The following ANO6 variants were observed in gnomAD, a reference collection of about 807,000 sequenced individuals.
ANO6 encodes the protein anoctamin 6.
In ANO6, 106 loss-of-function variants were observed where a neutral mutation model predicts 117.5. The observed-to-expected ratio is 0.90, with a 90% CI of 0.77 to 1.06. The LOEUF is 1.06. Ranked by LOEUF, ANO6 falls within the 50% of genes least tolerant of loss-of-function variation. The pLI, the probability that ANO6 is intolerant of heterozygous loss-of-function variation, is 0.00. For missense variants in ANO6, 955 were observed against 1,121.1 expected, an observed-to-expected ratio of 0.85 and a Z score of 2.12; for synonymous variants, 367 against 385.1, an observed-to-expected ratio of 0.95 and a Z score of 0.55.
intron 1 of ANO6, among the ~76,000 whole-genome samples, chr12:45,256,206 C>T (rs946224040): frequency 5.3e-5 from 8 of 152,120 alleles, no homozygotes; most frequent in African/African-American, 1.9e-4. Context: ...GTATACACAA[C>T]ACATGGGTAG....
At chr12:45,284,148 T>C (rs2137261417) in intron 1 of ANO6, among the ~76,000 whole-genome samples, 1 of 152,200 alleles carries the variant, frequency 6.6e-6, no homozygotes, top group South Asian at 2.1e-4. Flanking sequence ...GAAACACAAT[T>C]GGAAAAAAGG....
chr12:45,399,929 A>T (rs769910050), intron 12 of ANO6, among the ~76,000 whole-genome samples: 1 of 152,238 alleles, frequency 6.6e-6, no homozygotes, highest in Admixed American at 6.5e-5. Flanking sequence ...TCCTGCCCCT[A>T]TGAAGAAATA....
chr12:45,436,888 C>T (rs953650960), downstream of ANO6, among the ~76,000 whole-genome samples: 1 of 152,088 alleles, frequency 6.6e-6, no homozygotes, highest in African/African-American at 2.4e-5. Flanking sequence ...ATTGTTTGAA[C>T]CTGGGAGGCA....
intron 2 of ANO6, among the ~76,000 whole-genome samples, chr12:45,309,207 G>T (rs1479949208): frequency 6.6e-6 from 1 of 151,974 alleles, no homozygotes; most frequent in Non-Finnish European, 1.5e-5. Flanking sequence ...AGAATGCATT[G>T]GTCATGTCAT....
chr12:45,365,064 G>A (rs1200016577), intron 8 of ANO6, among the ~76,000 whole-genome samples: 1 of 152,184 alleles, frequency 6.6e-6, no homozygotes, highest in Non-Finnish European at 1.5e-5. Flanking sequence ...GCTAATGATT[G>A]GATTAGCTGG....
chr12:45,327,140 A>G (rs1287771046), intron 2 of ANO6, among the ~76,000 whole-genome samples: 3 of 152,204 alleles, frequency 2.0e-5, no homozygotes, highest in Non-Finnish European at 4.4e-5. Context: ...GATTGTTCAA[A>G]TAAGTGAAAG....
intron 1 of ANO6, among the ~76,000 whole-genome samples, chr12:45,238,052 A>G (rs1947674809): frequency 6.6e-6 from 1 of 151,346 alleles, no homozygotes; most frequent in African/African-American, 2.4e-5. Flanking sequence ...AATGCTTGTG[A>G]TTTTTGCACA....
At chr12:45,395,532 C>A (rs147350930) in intron 12 of ANO6, among the ~76,000 whole-genome samples, 10,397 of 152,086 alleles carry the variant, frequency 0.068, 556 homozygotes, top group East Asian at 0.32. Flanking sequence ...GGCAGAGACA[C>A]AACAAAAAAA....
chr12:45,259,066 T>G (rs531409501), intron 1 of ANO6, among the ~76,000 whole-genome samples: 1 of 152,308 alleles, frequency 6.6e-6, no homozygotes, highest in South Asian at 2.1e-4. Context: ...TAAGAGGTGA[T>G]GCTTGAACTG....
At chr12:45,347,155 T>G in intron 4 of ANO6, 68 bp downstream of exon 4, 1 of 1,469,508 alleles carries the variant, frequency 6.8e-7, no homozygotes, top group East Asian at 2.3e-5. Flanking sequence ...CCACTTGGAA[T>G]ACTTGGGTGA....
Position 45,421,115 on chromosome 12 carries a change from G to GTAC in ANO6, c.2267_2269dup (p.Tyr756dup), listed in dbSNP as rs749556889. On this transcript the variant is annotated inframe_insertion, in exon 18 of 20. Coordinates refer to ENST00000320560, the MANE Select transcript of ANO6 (RefSeq NM_001025356.3). ...CGTCGGACATGATCCCCCGCCTAGT[G>GTAC]TACTACTGGTCCTTCTCCGTCCCTC... is the stretch of plus-strand genomic sequence containing the variant. The GTAC allele has an allele frequency of 1.2e-6, 2 of 1,614,226 alleles. No individual in the cohort carries two copies. The highest frequency in any genetic ancestry group is 1.1e-5 in the South Asian group (1 of 91,086).
intron 1 of ANO6, among the ~76,000 whole-genome samples, chr12:45,267,276 G>A (rs1314743508): frequency 6.6e-6 from 1 of 152,096 alleles, no homozygotes. Flanking sequence ...TCTTTCCTCT[G>A]TGGGCATGCA....
Position 45,350,703 on chromosome 12 carries a change from A to C in ANO6, c.792A>C (p.Glu264Asp), listed in dbSNP as rs1327098221. 1.2e-6 allele frequency: 2 copies of C among 1,613,790 alleles called. No individual in the cohort carries two copies. The highest frequency in any genetic ancestry group is 1.7e-6 in the Non-Finnish European group (2 of 1,179,788). ...CAGAGGATCCCAGCTGCCCTAATGAACGGTACCTTCTGTACAGAGAATGGG... is the reference window on the plus strand; with the variant it reads ...CAGAGGATCCCAGCTGCCCTAATGACCGGTACCTTCTGTACAGAGAATGGG... ...RQSEDPSCPN[E>D]RYLLYREWAH... is the part of the protein sequence containing the mutation. Residue 264 changes from glutamate to aspartate, a missense_variant, in exon 7 of 20, where the codon GAA (glutamate) becomes GAC (aspartate). Physicochemically the swap from Glu to Asp is conservative, Grantham distance 45. Transcript: ENST00000320560.
At chr12:45,228,048 G>T (rs998386261) in intron 1 of ANO6, 4 of 228,434 alleles carry the variant, frequency 1.8e-5, no homozygotes, top group African/African-American at 9.5e-5. Flanking sequence ...CCCAATAAAT[G>T]GCTCATGAAT....
intron 1 of ANO6, among the ~76,000 whole-genome samples, chr12:45,292,227 G>A (rs1363398326): frequency 1.3e-5 from 2 of 152,078 alleles, no homozygotes; most frequent in East Asian, 1.9e-4. Context: ...GACAAATATT[G>A]TATAACTCTA....
chr12:45,324,192 CAA>C, intron 2 of ANO6, among the ~76,000 whole-genome samples: 1 of 152,248 alleles, frequency 6.6e-6, no homozygotes, highest in African/African-American at 2.4e-5. Flanking sequence ...CTCGACCTCC[CAA>C]AGTGCTGGGA....
chr12:45,291,346 C>CAAAAAAAAAAAAAAAAAAAAAAAAA (rs747924513), intron 1 of ANO6, among the ~76,000 whole-genome samples: 1 of 48,240 alleles, frequency 2.1e-5, no homozygotes, highest in African/African-American at 8.2e-5. Flanking sequence ...AACTCCGTCT[C>CAAAAAAAAAAAAAAAAAAAAAAAAA]AAAAAAAAAA....
rs535980060 is a variant in ANO6 at position 45,356,398 on chromosome 12, A to T, written c.864-892A>T. ...GGGTAGGGCAGTGACACCCGCACACACATACAGTCGAAAACCTGCATATAT... is the reference window on the plus strand; with the variant it reads ...GGGTAGGGCAGTGACACCCGCACACTCATACAGTCGAAAACCTGCATATAT... On this transcript the variant is annotated intron_variant, in intron 7 of 19. Coordinates refer to ENST00000320560, the MANE Select transcript of ANO6 (RefSeq NM_001025356.3). Among the ~76,000 whole-genome samples, 35 of 152,284 alleles carry T rather than the reference A, an allele frequency of 2.3e-4. No individual in the cohort carries two copies. The South Asian group carries it at 7.3e-3, about 32-fold the overall frequency.
chr12:45,304,913 C>T (rs555603669), intron 2 of ANO6, among the ~76,000 whole-genome samples: 2 of 152,206 alleles, frequency 1.3e-5, no homozygotes, highest in Non-Finnish European at 2.9e-5. Flanking sequence ...TGTGAACCTC[C>T]CAAGTGGCCT....
Sources: gnomAD v4.1 joint callset for allele counts (sites outside exome capture counted in the v4.1 genomes callset) on GRCh38, gnomAD v4.1.1 for gene constraint, MANE v1.5 for transcripts, NCBI Gene and HGNC (gene_info 2026-07-23, HGNC 2026-07-21) for gene names.